Variants in GPD2 observed in about 807,000 individuals in gnomAD.
GPD2 encodes the protein glycerol-3-phosphate dehydrogenase, mitochondrial.
Under a neutral mutation model 82.4 loss-of-function variants are expected in GPD2, and 54 were observed. The ratio of observed to expected loss-of-function variants is 0.66; its 90% confidence interval spans 0.53 to 0.82. The LOEUF (loss-of-function observed/expected upper bound fraction) is 0.82, where lower values mean the gene tolerates loss of function less well. Ranked by LOEUF, GPD2 falls within the 40% of genes least tolerant of loss-of-function variation. The pLI, the probability that GPD2 is intolerant of heterozygous loss-of-function variation, is 0.00. For synonymous variants in GPD2, 288 were observed against 306.1 expected (o/e 0.94, Z 0.62); for missense variants, 748 against 896.2 (o/e 0.83, Z 2.11).
upstream of GPD2, among the ~76,000 whole-genome samples, chr2:156,435,107 T>C (rs972235007): frequency 1.3e-5 from 2 of 152,100 alleles, no homozygotes; most frequent in African/African-American, 4.8e-5. Context: ...ATTTAATAAA[T>C]ATATGCATTC....
At chr2:156,447,508 C>CT (rs917896408) in intron 1 of GPD2, among the ~76,000 whole-genome samples, 36 of 152,134 alleles carry the variant, frequency 2.4e-4, no homozygotes, top group African/African-American at 6.0e-4. Flanking sequence ...TTGATTTTTA[C>CT]TTTTTTTATA....
chr2:156,496,309 G>T, intron 3 of GPD2, 94 bp downstream of exon 3: 1 of 833,198 alleles, frequency 1.2e-6, no homozygotes, highest in Non-Finnish European at 2.0e-6. Flanking sequence ...TGCCATGGTG[G>T]TTTGCTGCAC....
chr2:156,507,037 G>A (rs1188695129), intron 3 of GPD2, among the ~76,000 whole-genome samples: 3 of 150,794 alleles, frequency 2.0e-5, no homozygotes, highest in Non-Finnish European at 3.0e-5. Flanking sequence ...TTCTTGAGAC[G>A]GAGTCTCACT....
chr2:156,537,454 C>T (rs1686125448), intron 6 of GPD2, among the ~76,000 whole-genome samples: 1 of 152,162 alleles, frequency 6.6e-6, no homozygotes, highest in South Asian at 2.1e-4. Flanking sequence ...CATTATAAAA[C>T]AGAAGGAAAA....
intron 8 of GPD2, among the ~76,000 whole-genome samples, chr2:156,555,851 A>T (rs534057153): frequency 1.6e-3 from 246 of 152,310 alleles, no homozygotes; most frequent in African/African-American, 5.1e-3. Context: ...GCAGACTTCC[A>T]GGGTGCTTTT....
intron 1 of GPD2, among the ~76,000 whole-genome samples, chr2:156,458,172 G>GGA: frequency 6.6e-6 from 1 of 152,220 alleles, no homozygotes; most frequent in Non-Finnish European, 1.5e-5. Flanking sequence ...CACAGGGTGG[G>GGA]GAGAGAGAGG....
At chr2:156,473,604 A>G (rs887005198) in intron 1 of GPD2, 11 of 152,234 alleles carry the variant, frequency 7.2e-5, no homozygotes, top group African/African-American at 2.4e-4. Context: ...GGACCACCAC[A>G]CTGCTATGAG....
intron 1 of GPD2, among the ~76,000 whole-genome samples, chr2:156,463,285 T>C (rs915566606): frequency 6.6e-6 from 1 of 152,230 alleles, no homozygotes; most frequent in Non-Finnish European, 1.5e-5. Flanking sequence ...TACAGAATTT[T>C]TTTTTTAACT....
At chr2:156,572,000 C>T (rs1245453386) in intron 13 of GPD2, among the ~76,000 whole-genome samples, 1 of 152,170 alleles carries the variant, frequency 6.6e-6, no homozygotes, top group Non-Finnish European at 1.5e-5. Flanking sequence ...TCTGGTCAAT[C>T]TCACCAGTAA....
chr2:156,499,297 T>G (rs1487935452), intron 3 of GPD2, among the ~76,000 whole-genome samples: 7 of 152,106 alleles, frequency 4.6e-5, no homozygotes, highest in Non-Finnish European at 8.8e-5. Flanking sequence ...CCAGTATTAC[T>G]GAGAGTAGAG....
intron 1 of GPD2, among the ~76,000 whole-genome samples, chr2:156,439,504 ACTGTCTC>A (rs1682065670): frequency 8.6e-6 from 1 of 116,066 alleles, no homozygotes; most frequent in Non-Finnish European, 1.7e-5. Context: ...ATTGCTTGAG[ACTGTCTC>A]AGAAAAAAAA....
chr2:156,554,150 TA>T (rs980470092), intron 8 of GPD2, among the ~76,000 whole-genome samples: 3 of 152,170 alleles, frequency 2.0e-5, no homozygotes, highest in African/African-American at 7.2e-5. Flanking sequence ...TGGCATCCCA[TA>T]GGGGTGGTTT....
At chr2:156,561,533 C>T (rs753303513) in intron 9 of GPD2, among the ~76,000 whole-genome samples, 6 of 152,226 alleles carry the variant, frequency 3.9e-5, no homozygotes, top group East Asian at 3.9e-4. Context: ...CTGCTAGATA[C>T]CTTTAGCATG....
chr2:156,442,033 C>T (rs781079793), intron 1 of GPD2, among the ~76,000 whole-genome samples: 1 of 151,934 alleles, frequency 6.6e-6, no homozygotes, highest in African/African-American at 2.4e-5. Flanking sequence ...TACTTTAGAA[C>T]AATGATTGTT....
At chr2:156,529,604 T>C (rs1685763962) in intron 6 of GPD2, among the ~76,000 whole-genome samples, 1 of 152,088 alleles carries the variant, frequency 6.6e-6, no homozygotes. Flanking sequence ...CCATCTTGAA[T>C]TGATTTTTGT....
intron 3 of GPD2, among the ~76,000 whole-genome samples, chr2:156,500,276 C>A (rs1474360694): frequency 6.6e-6 from 1 of 151,888 alleles, no homozygotes; most frequent in East Asian, 1.9e-4. Context: ...TGCTGGTAGC[C>A]CTCTGGGAGT....
chr2:156,419,991 C>T, the GPD2 span, among the ~76,000 whole-genome samples: 1 of 152,110 alleles, frequency 6.6e-6, no homozygotes, highest in Non-Finnish European at 1.5e-5. Flanking sequence ...TCACTTGGTC[C>T]AAAATGTATT....
intron 2 of GPD2, among the ~76,000 whole-genome samples, chr2:156,478,828 A>AT: frequency 6.6e-6 from 1 of 152,192 alleles, no homozygotes; most frequent in Admixed American, 6.5e-5. Flanking sequence ...GTATTTTTGT[A>AT]TTTTTTCTAG....
chr2:156,541,417 G>C (rs1486625607), intron 6 of GPD2, among the ~76,000 whole-genome samples: 4 of 152,150 alleles, frequency 2.6e-5, no homozygotes, highest in Non-Finnish European at 5.9e-5. Flanking sequence ...CTCTGTTCCA[G>C]GACAGCTAGG....
Sources: allele counts gnomAD v4.1 joint callset (sites outside exome capture counted in the v4.1 genomes callset), GRCh38; gene constraint gnomAD v4.1.1; transcripts MANE v1.5; gene names NCBI Gene and HGNC (gene_info 2026-07-23, HGNC 2026-07-21).